The following RIPOR2 variants were observed in gnomAD, a reference collection of about 807,000 sequenced individuals.
RIPOR2 encodes the protein rho family-interacting cell polarization regulator 2.
A neutral mutation model predicts 114.5 loss-of-function variants in RIPOR2; 39 were observed. The ratio of observed to expected loss-of-function variants is 0.34; its 90% CI spans 0.26 to 0.44. The LOEUF (loss-of-function observed/expected upper bound fraction) is 0.44. RIPOR2 is among the 20% of genes least tolerant of loss of function. The pLI is 1.00. For synonymous variants in RIPOR2, 445 were observed against 484.4 expected (o/e 0.92, Z 1.07); for missense variants, 1,007 against 1,255.1 (o/e 0.80, Z 2.99).
At chr6:24,979,637 A>G (rs796197802) in intron 1 of RIPOR2, among the ~76,000 whole-genome samples, 20 of 152,218 alleles carry the variant, frequency 1.3e-4, no homozygotes, top group African/African-American at 4.8e-4. Context: ...AGCTCTCACA[A>G]CTTCCTCCAC....
intron 1 of RIPOR2, among the ~76,000 whole-genome samples, chr6:24,983,193 T>TACACACACACACACACAC (rs5875016): frequency 2.7e-5 from 4 of 147,246 alleles, no homozygotes; most frequent in Non-Finnish European, 6.0e-5. Context: ...GTTGAACACG[T>TACACACACACACACACAC]ACACACACAC....
intron 1 of RIPOR2, among the ~76,000 whole-genome samples, chr6:24,978,296 G>A (rs1306542234): frequency 1.3e-5 from 2 of 151,938 alleles, no homozygotes; most frequent in African/African-American, 4.8e-5. Context: ...GAATGTCCCC[G>A]TTTCCAATGT....
At chr6:25,015,910 T>TTTG (rs1775965761) in intron 1 of RIPOR2, 2 of 136,640 alleles carry the variant, frequency 1.5e-5, no homozygotes, top group Non-Finnish European at 3.1e-5. Flanking sequence ...TTTTTTTTTT[T>TTTG]TTTTTTTTTT....
At chr6:25,005,668 T>A (rs1253134923) in intron 1 of RIPOR2, among the ~76,000 whole-genome samples, 1 of 130,136 alleles carries the variant, frequency 7.7e-6, no homozygotes, top group African/African-American at 2.7e-5. Flanking sequence ...TTCCAAGGGG[T>A]GTTTCAAAAA....
chr6:25,035,692 G>A (rs303890), intron 1 of RIPOR2, among the ~76,000 whole-genome samples: 48,514 of 152,010 alleles, frequency 0.32, 7,975 homozygotes, highest in African/African-American at 0.39. Flanking sequence ...GATAACAGGT[G>A]AGCCAGGACA....
chr6:24,840,365 C>T (rs1164033446), intron 13 of RIPOR2: 4 of 1,131,468 alleles, frequency 3.5e-6, no homozygotes, highest in Non-Finnish European at 4.4e-6. Context: ...ACTTCCCTGA[C>T]CAGGCCCTGG....
At chr6:24,867,382 G>A (rs1488333625) in intron 6 of RIPOR2, among the ~76,000 whole-genome samples, 2 of 152,224 alleles carry the variant, frequency 1.3e-5, no homozygotes, top group African/African-American at 4.8e-5. Context: ...GTAGGTTAGG[G>A]CTGGGCCAGG....
chr6:24,957,128 A>G (rs1312719596), intron 1 of RIPOR2, among the ~76,000 whole-genome samples: 2 of 152,198 alleles, frequency 1.3e-5, no homozygotes, highest in African/African-American at 4.8e-5. Flanking sequence ...TAATTAATTG[A>G]TTGATGTATT....
chr6:24,968,864 T>C (rs1181850403), intron 1 of RIPOR2, among the ~76,000 whole-genome samples: 1 of 152,188 alleles, frequency 6.6e-6, no homozygotes, highest in African/African-American at 2.4e-5. Flanking sequence ...AAACTGTCAA[T>C]AGAAACCCTG....
At chr6:24,836,648 T>C (rs897244989) in intron 14 of RIPOR2, among the ~76,000 whole-genome samples, 2 of 152,204 alleles carry the variant, frequency 1.3e-5, no homozygotes, top group Non-Finnish European at 2.9e-5. Context: ...TTTGGGCTTC[T>C]AGCCTCACAC....
chr6:24,961,633 CTTT>C (rs70974954), intron 1 of RIPOR2, among the ~76,000 whole-genome samples: 18 of 134,332 alleles, frequency 1.3e-4, no homozygotes, highest in Non-Finnish European at 6.6e-5. Flanking sequence ...TTATTCTAAG[CTTT>C]TTTTTTTTTT....
At chr6:24,928,082 C>T (rs916519100) in intron 1 of RIPOR2, among the ~76,000 whole-genome samples, 16 of 152,208 alleles carry the variant, frequency 1.1e-4, no homozygotes, top group South Asian at 6.2e-4. Context: ...CTTTCTATTA[C>T]GCTTTCTATT....
intron 1 of RIPOR2, among the ~76,000 whole-genome samples, chr6:24,983,756 C>CAGAA (rs1774408768): frequency 2.1e-5 from 1 of 47,180 alleles, no homozygotes; most frequent in African/African-American, 1.0e-4. Context: ...GACTGTGTCT[C>CAGAA]AAAAAAAAAA....
intron 15 of RIPOR2, among the ~76,000 whole-genome samples, chr6:24,835,360 C>T (rs141289278): frequency 1.3e-5 from 2 of 152,186 alleles, no homozygotes; most frequent in Non-Finnish European, 2.9e-5. Flanking sequence ...ATATTCAGCA[C>T]TACTGGCTTT....
intron 1 of RIPOR2, among the ~76,000 whole-genome samples, chr6:24,935,320 C>CAAAAAAA: frequency 4.6e-5 from 1 of 21,834 alleles, no homozygotes; most frequent in Non-Finnish European, 8.5e-5. Context: ...AAAACAACAA[C>CAAAAAAA]AAAAAAAAAA....
At chr6:24,837,554 T>A (rs942786759) in intron 14 of RIPOR2, among the ~76,000 whole-genome samples, 4 of 152,082 alleles carry the variant, frequency 2.6e-5, no homozygotes, top group Admixed American at 2.0e-4. Flanking sequence ...GGACTACAGG[T>A]GTGCACCACC....
chr6:24,830,993 A>T (rs1760633420), intron 16 of RIPOR2, among the ~76,000 whole-genome samples: 1 of 151,976 alleles, frequency 6.6e-6, no homozygotes, highest in African/African-American at 2.4e-5. Context: ...TGGGATTATA[A>T]GCGTGAGCCA....
At chr6:24,857,235 C>G (rs954842172) in intron 8 of RIPOR2, among the ~76,000 whole-genome samples, 4 of 152,286 alleles carry the variant, frequency 2.6e-5, no homozygotes, top group Non-Finnish European at 4.4e-5. Context: ...AGGCTCTTGT[C>G]TGGGGGCCTG....
intron 1 of RIPOR2, among the ~76,000 whole-genome samples, chr6:25,035,124 G>A (rs1030668448): frequency 6.6e-6 from 1 of 152,232 alleles, no homozygotes; most frequent in African/African-American, 2.4e-5. Context: ...TGGCAGAGCT[G>A]TTGGTAAACA....
Sources: allele counts gnomAD v4.1 joint callset (sites outside exome capture counted in the v4.1 genomes callset), GRCh38; gene constraint gnomAD v4.1.1; transcripts MANE v1.5; gene names NCBI Gene and HGNC (gene_info 2026-07-23, HGNC 2026-07-21).